The following NKAIN3 variants were observed in gnomAD, a reference collection of about 807,000 sequenced individuals.
NKAIN3 encodes the protein sodium/potassium-transporting ATPase subunit beta-1-interacting protein 3.
Under a neutral mutation model 30.2 loss-of-function variants are expected in NKAIN3, and 25 were observed. The ratio of observed to expected loss-of-function variants is 0.83; its 90% CI spans 0.60 to 1.16. NKAIN3 has a LOEUF of 1.16. Ranked by LOEUF, NKAIN3 falls within the 50% of genes most tolerant of loss-of-function variation. The pLI, the probability that NKAIN3 is intolerant of heterozygous loss-of-function variation, is 0.00. For missense variants in NKAIN3, 225 were observed against 254.1 expected (o/e 0.89, Z 0.78); for synonymous variants, 91 against 89.6 (o/e 1.02, Z -0.09).
At chr8:62,885,905 T>G (rs1821132934) in intron 4 of NKAIN3, among the ~76,000 whole-genome samples, 1 of 152,202 alleles carries the variant, frequency 6.6e-6, no homozygotes, top group South Asian at 2.1e-4. Context: ...ATAGACAACA[T>G]GTAGTTGGGT....
chr8:62,863,714 C>G (rs1820329654), intron 4 of NKAIN3: 2 of 1,561,972 alleles, frequency 1.3e-6, no homozygotes, highest in East Asian at 2.2e-5. Flanking sequence ...ACGCTGAGCA[C>G]TTTTTACAAC....
At chr8:62,769,174 A>G (rs1159808867) in intron 4 of NKAIN3, among the ~76,000 whole-genome samples, 4 of 152,220 alleles carry the variant, frequency 2.6e-5, no homozygotes. Context: ...TTTCTGATCT[A>G]TGGAAAACTT....
intron 1 of NKAIN3, among the ~76,000 whole-genome samples, chr8:62,551,056 G>A (rs1001605252): frequency 6.6e-6 from 1 of 152,162 alleles, no homozygotes; most frequent in Non-Finnish European, 1.5e-5. Context: ...CTTAGGCCTT[G>A]AAGCAGAGTA....
At chr8:62,781,658 C>T (rs927228960) in intron 4 of NKAIN3, among the ~76,000 whole-genome samples, 11 of 151,456 alleles carry the variant, frequency 7.3e-5, no homozygotes, top group African/African-American at 2.7e-4. Context: ...ATAAAGCCTC[C>T]AAGAACATAC....
At chr8:62,448,670 C>T (rs1805554994) in intron 1 of NKAIN3, among the ~76,000 whole-genome samples, 1 of 151,834 alleles carries the variant, frequency 6.6e-6, no homozygotes, top group Non-Finnish European at 1.5e-5. Flanking sequence ...GACAGAAAGA[C>T]AGCAGACCTA....
At chr8:62,412,908 T>TG (rs1563387359) in intron 1 of NKAIN3, among the ~76,000 whole-genome samples, 8 of 75,886 alleles carry the variant, frequency 1.1e-4, no homozygotes, top group African/African-American at 3.8e-4. Context: ...TGAGACTCCG[T>TG]CAAAAAAAAA....
chr8:62,757,617 T>C (rs996702072), intron 4 of NKAIN3, among the ~76,000 whole-genome samples: 1 of 152,168 alleles, frequency 6.6e-6, no homozygotes, highest in Non-Finnish European at 1.5e-5. Flanking sequence ...AAAGAAGTAG[T>C]GTTCAGAAAA....
intron 3 of NKAIN3, among the ~76,000 whole-genome samples, chr8:62,601,479 G>A (rs1810983131): frequency 6.6e-6 from 1 of 152,006 alleles, no homozygotes; most frequent in Non-Finnish European, 1.5e-5. Flanking sequence ...GAAGTAAATG[G>A]ATCTATCTAT....
In NKAIN3 at chr8:62,642,616, G is replaced by A. The variant is rs1459557213; in HGVS notation, c.273+52822G>A. On this transcript the variant is annotated intron_variant, in intron 3 of 6. Coordinates refer to ENST00000623646, the MANE Select transcript of NKAIN3 (RefSeq NM_001304533.3). Reference sequence around the variant, plus strand: ...AATATACACCTTTTTGCTCTATCTGGTAAGGCAAATATACCCACTTAATTC... The same window carrying A: ...AATATACACCTTTTTGCTCTATCTGATAAGGCAAATATACCCACTTAATTC... Among the ~76,000 whole-genome samples the A allele has an allele frequency of 3.3e-5, 5 of 151,944 alleles. No homozygotes were observed. The East Asian group carries it at 7.7e-4, about 24-fold the overall frequency.
chr8:62,799,371 A>G (rs1817979987), intron 4 of NKAIN3, among the ~76,000 whole-genome samples: 1 of 152,230 alleles, frequency 6.6e-6, no homozygotes, highest in Admixed American at 6.5e-5. Flanking sequence ...AATTGCATCA[A>G]AAAGTAGGCT....
chr8:62,588,901 G>C (rs114166908), intron 2 of NKAIN3, among the ~76,000 whole-genome samples: 3,159 of 151,864 alleles, frequency 0.021, 120 homozygotes, highest in African/African-American at 0.073. Flanking sequence ...GCCTCCATTA[G>C]TTTGTCTGCA....
chr8:62,546,453 G>A (rs1437774460), intron 1 of NKAIN3, among the ~76,000 whole-genome samples: 1 of 152,182 alleles, frequency 6.6e-6, no homozygotes, highest in African/African-American at 2.4e-5. Context: ...TGGCATGTAA[G>A]TAGCTACACT....
intron 1 of NKAIN3, among the ~76,000 whole-genome samples, chr8:62,449,494 C>G (rs796127508): frequency 1.6e-4 from 24 of 152,054 alleles, no homozygotes; most frequent in African/African-American, 5.5e-4. Flanking sequence ...AAAAATATAG[C>G]TAAATATAAG....
At chr8:62,931,664 C>G (rs1261792882) in intron 5 of NKAIN3, among the ~76,000 whole-genome samples, 1 of 152,130 alleles carries the variant, frequency 6.6e-6, no homozygotes, top group Non-Finnish European at 1.5e-5. Flanking sequence ...AAGAGCTTTT[C>G]TTTAATAGTT....
At chr8:62,885,023 T>A (rs1425734603) in intron 4 of NKAIN3, among the ~76,000 whole-genome samples, 2 of 152,138 alleles carry the variant, frequency 1.3e-5, no homozygotes, top group African/African-American at 2.4e-5. Flanking sequence ...TTCTTCTACT[T>A]ACTTTGGATT....
At chr8:62,900,893 C>G (rs777223075) in intron 4 of NKAIN3, among the ~76,000 whole-genome samples, 47 of 152,054 alleles carry the variant, frequency 3.1e-4, no homozygotes, top group Admixed American at 3.9e-4. Context: ...AGTGTTGGAA[C>G]CCAGGAACAA....
intron 3 of NKAIN3, among the ~76,000 whole-genome samples, chr8:62,738,799 TTA>T (rs1586147388): frequency 6.6e-6 from 1 of 152,138 alleles, no homozygotes; most frequent in Non-Finnish European, 1.5e-5. Flanking sequence ...TGTTGATAGT[TTA>T]GTTTCTTTTG....
At chr8:62,710,653 G>A (rs1312392780) in intron 3 of NKAIN3, among the ~76,000 whole-genome samples, 1 of 152,156 alleles carries the variant, frequency 6.6e-6, no homozygotes, top group Non-Finnish European at 1.5e-5. Context: ...CAAATGGTTG[G>A]TGAGTTCTTA....
At chr8:62,689,187 C>T (rs1813886863) in intron 3 of NKAIN3, among the ~76,000 whole-genome samples, 1 of 152,160 alleles carries the variant, frequency 6.6e-6, no homozygotes, top group African/African-American at 2.4e-5. Context: ...AGTTTCTCCT[C>T]ATCACTAGAC....
Sources: gnomAD v4.1 joint callset for allele counts (sites outside exome capture counted in the v4.1 genomes callset) on GRCh38, gnomAD v4.1.1 for gene constraint, MANE v1.5 for transcripts, NCBI Gene and HGNC (gene_info 2026-07-23, HGNC 2026-07-21) for gene names.